The following GPX6 variants were observed in gnomAD, a reference collection of about 807,000 sequenced individuals.
The protein encoded by GPX6 is glutathione peroxidase 6.
Under a neutral mutation model 20.0 loss-of-function variants are expected in GPX6, and 21 were observed. That is an observed-to-expected ratio of 1.05 (90% CI 0.74 to 1.51). The LOEUF (loss-of-function observed/expected upper bound fraction) is 1.51. Among genes scored for constraint, GPX6 ranks in the 40% most tolerant of loss-of-function variants. The pLI, the probability that GPX6 is intolerant of heterozygous loss-of-function variation, is 0.00. For missense variants in GPX6, 233 were observed against 254.7 expected, an observed-to-expected ratio of 0.91 and a Z score of 0.58; for synonymous variants, 75 against 98.0, an observed-to-expected ratio of 0.77 and a Z score of 1.38.
chr6:28,509,654 G>A (rs562580453), intron 2 of GPX6, among the ~76,000 whole-genome samples: 1 of 152,256 alleles, frequency 6.6e-6, no homozygotes, highest in East Asian at 1.9e-4. Context: ...TTCTTGGCCC[G>A]TCCAAAGCTG....
At chr6:28,512,147 G>T (rs1684067743) in intron 1 of GPX6, among the ~76,000 whole-genome samples, 1 of 152,206 alleles carries the variant, frequency 6.6e-6, no homozygotes, top group Admixed American at 6.5e-5. Context: ...CAGTCCCATC[G>T]GCCACCCAAG....
intron 1 of GPX6, among the ~76,000 whole-genome samples, chr6:28,513,610 A>C (rs907905356): frequency 1.1e-4 from 16 of 152,208 alleles, no homozygotes; most frequent in South Asian, 2.1e-4. Flanking sequence ...ATAAAATAGC[A>C]CAGAGCGGAA....
At position 28,504,498 on chromosome 6, in the gene GPX6, T is replaced by G. The variant is rs553275504; in HGVS notation, c.460A>C (p.Asn154His). The G allele has an allele frequency of 6.2e-7, 1 of 1,613,534 alleles. No homozygotes were observed. The highest frequency in any genetic ancestry group is 1.1e-5 in the South Asian group (1 of 91,054). The change falls in exon 5 of 5, where the codon AAC (asparagine) becomes CAC (histidine). Residue 154 changes from asparagine (N) to histidine (H), a missense_variant and splice_region_variant. Asn to His is a moderately conservative substitution (Grantham distance 68). Transcript: ENST00000361902. ...KEQKVFTFLK[N>H]SCPPTSDLLG... ...AGATCAGAGGTCGGAGGGCAGGAGT[T>G]CTGGAGCAGAGATATAGAAAGTAGA...
At chr6:28,513,309 T>G (rs1414803684) in intron 1 of GPX6, among the ~76,000 whole-genome samples, 2 of 152,210 alleles carry the variant, frequency 1.3e-5, no homozygotes, top group South Asian at 2.1e-4. Flanking sequence ...GTGGCTGAAC[T>G]AAGAGCACCC....
At chr6:28,510,507 C>T (rs1351335414) in intron 2 of GPX6, among the ~76,000 whole-genome samples, 1 of 152,294 alleles carries the variant, frequency 6.6e-6, no homozygotes, top group Middle Eastern at 3.4e-3. Flanking sequence ...ACACATTCAA[C>T]TTGTTCAACT....
chr6:28,513,691 A>G lies in GPX6; in HGVS notation c.87+1966T>C, dbSNP rs572312491. On this transcript the variant is annotated intron_variant, in intron 1 of 4. Coordinates refer to ENST00000361902, the MANE Select transcript of GPX6 (RefSeq NM_182701.1). ...ACCTGGAACAAAAGGCTAACATGTTATGTGGTAAGAGAGGCTATAAGTCCT... is the reference window on the plus strand; with the variant it reads ...ACCTGGAACAAAAGGCTAACATGTTGTGTGGTAAGAGAGGCTATAAGTCCT... Among the ~76,000 whole-genome samples the G allele has an allele frequency of 1.1e-4, 16 of 141,370 alleles. No homozygotes were observed. The South Asian group carries it at 1.8e-3, about 16-fold the overall frequency. 92.7% of individuals were successfully genotyped at this position (141,370 alleles called of 152,430 possible).
chr6:28,513,575 C>G (rs1229249686), intron 1 of GPX6, among the ~76,000 whole-genome samples: 1 of 152,146 alleles, frequency 6.6e-6, no homozygotes, highest in Non-Finnish European at 1.5e-5. Context: ...GTGAAACAGC[C>G]TGAACTGCTC....
chr6:28,506,852 A>C (rs931710111), intron 2 of GPX6, among the ~76,000 whole-genome samples: 1 of 152,092 alleles, frequency 6.6e-6, no homozygotes, highest in Non-Finnish European at 1.5e-5. Context: ...AAAGCAAACA[A>C]AATGGAAATC....
At chr6:28,511,640 A>C (rs995452415) in intron 1 of GPX6, among the ~76,000 whole-genome samples, 1 of 152,262 alleles carries the variant, frequency 6.6e-6, no homozygotes, top group Non-Finnish European at 1.5e-5. Context: ...GGACGTGGAG[A>C]GCAATGCACC....
intron 1 of GPX6, among the ~76,000 whole-genome samples, chr6:28,512,877 C>T (rs1028646794): frequency 2.6e-5 from 4 of 152,016 alleles, no homozygotes; most frequent in African/African-American, 9.7e-5. Context: ...CACTCTTGAG[C>T]CTCTGCAGCT....
At chr6:28,506,262 G>T in intron 3 of GPX6, 50 bp downstream of exon 3, 2 of 1,079,208 alleles carry the variant, frequency 1.9e-6, no homozygotes, top group Non-Finnish European at 1.4e-6. Context: ...GGTGGAATGA[G>T]GAATGGAAAT....
intron 1 of GPX6, 73 bp from the exon 2 acceptor site, chr6:28,510,977 A>G: frequency 2.2e-6 from 3 of 1,364,518 alleles, no homozygotes; most frequent in Non-Finnish European, 3.0e-6. Flanking sequence ...ACTTTTTCAA[A>G]ACACTCGAAG....
rs55919532 is a variant in GPX6 at position 28,504,099 on chromosome 6, TAC to T, written c.*191_*192del. 0.16 allele frequency: 78,100 copies of T among 500,068 alleles called. 835 individuals carry two copies. Among genetic ancestry groups the T allele is most frequent in the Non-Finnish European group, 0.2 (53,602 of 274,760 alleles). 31.0% of individuals were successfully genotyped at this position (500,068 alleles called of 1,614,324 possible). Reference sequence around the variant, plus strand: ...CAACAAATACAATTCTACATATCCATACACACACACACACACACACACACAGC... The same window carrying T: ...CAACAAATACAATTCTACATATCCATACACACACACACACACACACACAGC... On this transcript the variant is annotated 3_prime_UTR_variant, in exon 5 of 5. Coordinates refer to ENST00000361902, the MANE Select transcript of GPX6 (RefSeq NM_182701.1).
chr6:28,514,394 C>G (rs1762986900), intron 1 of GPX6, among the ~76,000 whole-genome samples: 1 of 152,206 alleles, frequency 6.6e-6, no homozygotes, highest in Non-Finnish European at 1.5e-5. Context: ...GCTTTTAATT[C>G]ACAAGATGCT....
intron 2 of GPX6, 42 bp downstream of exon 2, chr6:28,510,709 T>C (rs1194814722): frequency 7.5e-6 from 12 of 1,590,304 alleles, no homozygotes; most frequent in African/African-American, 1.3e-5. Context: ...TATGGCTATC[T>C]GGCAATGCTG....
intron 1 of GPX6, among the ~76,000 whole-genome samples, chr6:28,512,855 GCTTTGCAGCTTCACTCTTGAGC>G (rs948401905): frequency 1.1e-4 from 16 of 152,094 alleles, no homozygotes; most frequent in African/African-American, 2.2e-4. Flanking sequence ...TGACCGCGAG[GCTTTGCAGCTTCACTCTTGAGC>G]CTCTGCAGCT....
At position 28,515,641 on chromosome 6, in the gene GPX6, C is replaced by G. The variant is rs1320145212; in HGVS notation, c.87+16G>C. 6.2e-7 allele frequency: 1 copy of G among 1,606,906 alleles called. No homozygotes were observed. The highest frequency in any genetic ancestry group is 8.5e-7 in the Non-Finnish European group (1 of 1,173,566). On this transcript the variant is annotated intron_variant, in intron 1 of 4. Transcript: ENST00000361902. ...CACGTGCTGGAATCAGCTCGGATCC[C>G]CTGCCCCATGCTCACCTTCCTATTT... is the stretch of plus-strand genomic sequence containing the variant.
At chr6:28,511,080 G>T (rs1381030473) in intron 1 of GPX6, among the ~76,000 whole-genome samples, 176 bp from the exon 2 acceptor site, 1 of 152,088 alleles carries the variant, frequency 6.6e-6, no homozygotes, top group Non-Finnish European at 1.5e-5. Context: ...TAGAATTTAT[G>T]TCTTCTAAAT....
At chr6:28,504,648 C>A (rs1432581238) in intron 4 of GPX6, 150 bp from the exon 5 acceptor site, 1 of 668,280 alleles carries the variant, frequency 1.5e-6, no homozygotes, top group African/African-American at 1.8e-5. Flanking sequence ...CAATCAACCA[C>A]AGACACTGCA....
Sources: allele counts gnomAD v4.1 joint callset (sites outside exome capture counted in the v4.1 genomes callset), GRCh38; gene constraint gnomAD v4.1.1; transcripts MANE v1.5; gene names NCBI Gene and HGNC (gene_info 2026-07-23, HGNC 2026-07-21).